The following ATP9A variants were observed in gnomAD, a reference collection of about 807,000 sequenced individuals.
ATP9A encodes probable phospholipid-transporting ATPase IIA.
In ATP9A, 52 loss-of-function variants were observed where a neutral mutation model predicts 144.1. That is an observed-to-expected ratio of 0.36 (90% CI 0.29 to 0.45). The LOEUF (loss-of-function observed/expected upper bound fraction) is 0.45. ATP9A is among the 20% of genes least tolerant of loss of function. The probability of loss-of-function intolerance (pLI) is 1.00; values close to 1 mark genes in which losing one functional copy is unlikely to be tolerated. For synonymous variants in ATP9A, 582 were observed against 557.4 expected, an observed-to-expected ratio of 1.04 and a Z score of -0.62; for missense variants, 947 against 1,392.7, an observed-to-expected ratio of 0.68 and a Z score of 5.09.
intron 17 of ATP9A, among the ~76,000 whole-genome samples, chr20:51,626,557 T>A (rs2077249508): frequency 6.8e-6 from 1 of 147,350 alleles, no homozygotes; most frequent in South Asian, 2.1e-4. Context: ...ACACTTGTAA[T>A]CCCAGCTACA....
chr20:51,716,971 C>T (rs935353036), intron 3 of ATP9A, among the ~76,000 whole-genome samples: 11 of 152,000 alleles, frequency 7.2e-5, no homozygotes, highest in African/African-American at 2.2e-4. Flanking sequence ...GTCAGGAGTT[C>T]CAGATCAGCC....
intron 1 of ATP9A, among the ~76,000 whole-genome samples, chr20:51,739,775 C>T (rs2077777432): frequency 6.6e-6 from 1 of 152,160 alleles, no homozygotes; most frequent in African/African-American, 2.4e-5. Context: ...CAGTGAGACC[C>T]CTGGCTGGGA....
In ATP9A at chr20:51,748,358, G is replaced by A. The variant is rs533757132; in HGVS notation, c.69-18380C>T. ...AGGAAAGAAAGAAGAGAGGAGGGAG[G>A]AGGAGAAAAAACAATGAATGAAAAT... is the stretch of plus-strand genomic sequence containing the variant. On this transcript the variant is annotated intron_variant, in intron 1 of 27. Coordinates refer to ENST00000338821, the MANE Select transcript of ATP9A (RefSeq NM_006045.3). Among the ~76,000 whole-genome samples, 72 of 152,172 alleles carry A rather than the reference G, an allele frequency of 4.7e-4. No individual in the cohort carries two copies. The South Asian group carries it at 0.014, about 29-fold the overall frequency.
At chr20:51,693,494 G>A (rs987992539) in intron 7 of ATP9A, among the ~76,000 whole-genome samples, 1 of 152,092 alleles carries the variant, frequency 6.6e-6, no homozygotes, top group African/African-American at 2.4e-5. Context: ...AGTAAGATGA[G>A]AAATCTTTGG....
chr20:51,674,781 G>T (rs567696907), intron 10 of ATP9A, among the ~76,000 whole-genome samples: 5 of 152,184 alleles, frequency 3.3e-5, no homozygotes, highest in Admixed American at 3.3e-4. Context: ...GCACACCAGT[G>T]GTGGCACCCG....
chr20:51,603,723 A>C (rs921935486), intron 27 of ATP9A, among the ~76,000 whole-genome samples: 1 of 152,146 alleles, frequency 6.6e-6, no homozygotes, highest in African/African-American at 2.4e-5. Context: ...ACCCCACATT[A>C]GGATGGTGCT....
At chr20:51,635,569 C>T (rs1017697659) in intron 15 of ATP9A, among the ~76,000 whole-genome samples, 1 of 151,798 alleles carries the variant, frequency 6.6e-6, no homozygotes, top group Non-Finnish European at 1.5e-5. Context: ...GAGACCCTAT[C>T]TTCACTAAAC....
At chr20:51,751,730 G>A (rs1030362416) in intron 1 of ATP9A, among the ~76,000 whole-genome samples, 1 of 152,132 alleles carries the variant, frequency 6.6e-6, no homozygotes, top group Non-Finnish European at 1.5e-5. Flanking sequence ...TGGGACTGCA[G>A]GCGCCCACCA....
chr20:51,754,719 G>A (rs143517247), intron 1 of ATP9A, among the ~76,000 whole-genome samples: 1 of 152,286 alleles, frequency 6.6e-6, no homozygotes, highest in East Asian at 1.9e-4. Flanking sequence ...GGAAGGCTGA[G>A]GCATGAGAAT....
At chr20:51,658,727 C>G (rs982929280) in intron 13 of ATP9A, among the ~76,000 whole-genome samples, 14 of 151,668 alleles carry the variant, frequency 9.2e-5, no homozygotes, top group Non-Finnish European at 4.4e-5. Context: ...ACCATGTTGG[C>G]CAGGCTGGTC....
chr20:51,670,295 G>T (rs1222223167), intron 12 of ATP9A, among the ~76,000 whole-genome samples, 186 bp from the exon 13 acceptor site: 4 of 152,166 alleles, frequency 2.6e-5, no homozygotes. Context: ...TTTGAAAATG[G>T]CTTCCTAGCT....
chr20:51,677,740 A>G (rs151146408), intron 9 of ATP9A, among the ~76,000 whole-genome samples: 54 of 152,272 alleles, frequency 3.5e-4, no homozygotes, highest in African/African-American at 1.3e-3. Context: ...CACCCCTTCT[A>G]TCCTCCAGAC....
chr20:51,650,853 C>G (rs973175390), intron 14 of ATP9A, among the ~76,000 whole-genome samples: 1 of 151,880 alleles, frequency 6.6e-6, no homozygotes, highest in East Asian at 1.9e-4. Flanking sequence ...ACATGTGCAT[C>G]CATGTGCACA....
Position 51,719,749 on chromosome 20 carries a change from G to GAAAA in ATP9A, c.327+6069_327+6070insTTTT, listed in dbSNP as rs1343871320. ...TCTGTCTCAAAAAAAAAAAAAAGGGGGGGGAAGAAGAAACGGGCTGGGCAC... is the reference window on the plus strand; with the variant it reads ...TCTGTCTCAAAAAAAAAAAAAAGGGGAAAAGGGGAAGAAGAAACGGGCTGGGCAC... On this transcript the variant is annotated intron_variant, in intron 3 of 27. Coordinates refer to ENST00000338821, the MANE Select transcript of ATP9A (RefSeq NM_006045.3). Among the ~76,000 whole-genome samples the GAAAA allele has an allele frequency of 7.1e-4, 91 of 128,604 alleles. 10 individuals carry two copies. The highest frequency in any genetic ancestry group is 1.8e-3 in the East Asian group (8 of 4,384). 84.4% of individuals were successfully genotyped at this position (128,604 alleles called of 152,430 possible). A position where few individuals can be genotyped will look rare whatever the true frequency, so the allele number is the denominator to read the frequency against.
At position 51,666,612 on chromosome 20, in the gene ATP9A, G is replaced by A. The variant is rs560091262; in HGVS notation, c.1293+3385C>T. On this transcript the variant is annotated intron_variant, in intron 13 of 27. Coordinates refer to ENST00000338821, the MANE Select transcript of ATP9A (RefSeq NM_006045.3). ...AGAGAATTGCTTGAACCCGGGAGGTGGAGGTTGCAGTGAGCCGAGATCGCA... is the reference window on the plus strand; with the variant it reads ...AGAGAATTGCTTGAACCCGGGAGGTAGAGGTTGCAGTGAGCCGAGATCGCA... 5.3e-5 allele frequency among the ~76,000 whole-genome samples: 8 copies of A among 151,506 alleles called. No individual in the cohort carries two copies. The East Asian group carries it at 1.6e-3, about 29-fold the overall frequency.
At chr20:51,699,407 TTA>T (rs1339701507) in intron 4 of ATP9A, among the ~76,000 whole-genome samples, 13 of 152,128 alleles carry the variant, frequency 8.5e-5, no homozygotes, top group African/African-American at 3.1e-4. Flanking sequence ...CTCTAGACTT[TTA>T]GTGTCTCACA....
rs987415654 is a variant in ATP9A, at chr20:51,598,100, T to C, written c.*3111A>G. ...GCAACACACATGTGCACACGCATGC[T>C]TTCAAAATGAGGATCAAAACTGTCC... On this transcript the variant is annotated 3_prime_UTR_variant, in exon 28 of 28. Transcript: ENST00000338821. 5 of 150,264 alleles carry C rather than the reference T, an allele frequency of 3.3e-5. No homozygotes were observed. Among genetic ancestry groups the C allele is most frequent in the African/African-American group, 1.2e-4 (5 of 40,750 alleles). The allele number at this position is 150,264 out of a possible 1,614,324, so 9.3% of individuals were successfully genotyped here.
At chr20:51,651,374 C>CTTTACATATTTATAATATGTAAATA (rs1568803652) in intron 14 of ATP9A, among the ~76,000 whole-genome samples, 3 of 93,740 alleles carry the variant, frequency 3.2e-5, no homozygotes, top group Non-Finnish European at 6.9e-5. Flanking sequence ...ATATATATTT[C>CTTTACATATTTATAATATGTAAATA]TTTACATATT....
rs376850486 is a variant in ATP9A at position 51,613,780 on chromosome 20, T to C, written c.2468A>G (p.His823Arg). The C allele has an allele frequency of 3.7e-6, 6 of 1,613,986 alleles. No homozygotes were observed. The African/African-American group carries it at 8.0e-5, about 22-fold the overall frequency. Residue 823 changes from histidine to arginine, a missense_variant, in exon 23 of 28, where the codon CAT becomes CGT. Transcript: ENST00000338821. ...AADFSITQFK[H>R]LGRLLMVHGR... is the part of the protein sequence containing the mutation. ...ATGCACCATAAGCAACCGGCCAAGA[T>C]GCTTAAATTGAGTGATGGAGAAGTC...
Sources: gnomAD v4.1 joint callset for allele counts (sites outside exome capture counted in the v4.1 genomes callset) on GRCh38, gnomAD v4.1.1 for gene constraint, MANE v1.5 for transcripts, NCBI Gene and HGNC (gene_info 2026-07-23, HGNC 2026-07-21) for gene names.